The following SARS2 variants were observed in gnomAD, a reference collection of about 807,000 sequenced individuals.
SARS2 encodes seryl-tRNA synthetase 2, mitochondrial.
A neutral mutation model predicts 66.8 loss-of-function variants in SARS2; 52 were observed. The observed-to-expected ratio is 0.78, with a 90% confidence interval of 0.62 to 0.98. The LOEUF (loss-of-function observed/expected upper bound fraction) is 0.98. Among genes scored for constraint, SARS2 ranks in the 50% least tolerant of loss-of-function variants. The pLI, the probability that SARS2 is intolerant of heterozygous loss-of-function variation, is 0.00. For synonymous variants in SARS2, 306 were observed against 281.4 expected (o/e 1.09, Z -0.87); for missense variants, 673 against 706.3 (o/e 0.95, Z 0.53).
rs1429518434 is a variant in SARS2, at chr19:38,930,687, C to T, written c.50G>A (p.Gly17Glu). The T allele has an allele frequency of 3.1e-6, 5 of 1,613,898 alleles. No individual in the cohort carries two copies. In the Admixed American group the frequency reaches 5.0e-5, roughly 16 times the overall value. The change falls in exon 1 of 16, where the codon GGG becomes GAG. Residue 17 changes from glycine to glutamate, a missense_variant. Physicochemically the swap from Gly to Glu is moderately conservative, Grantham distance 98 (BLOSUM62 -2). Coordinates refer to ENST00000221431, the MANE Select transcript of SARS2 (RefSeq NM_017827.4). ...GATGCAGCCTCCCCGGGGCCGGAACCCCCGACGAGTCAGCAAAGGCCACAA... is the reference window on the plus strand; with the variant it reads ...GATGCAGCCTCCCCGGGGCCGGAACTCCCGACGAGTCAGCAAAGGCCACAA... Reference protein sequence around the residue: ...RRLWPLLTRRGFRPRGGCISN... With the variant: ...RRLWPLLTRREFRPRGGCISN...
At chr19:38,917,899 G>A (rs747172466) in intron 11 of SARS2, 22 bp downstream of exon 11, 43 of 1,613,032 alleles carry the variant, frequency 2.7e-5, no homozygotes, top group South Asian at 2.6e-4. Context: ...CCCCAGCCCC[G>A]TTTAGTCCCA....
Position 38,918,832 on chromosome 19 carries a change from G to A in SARS2, c.760-19C>T, listed in dbSNP as rs1568424377. On this transcript the variant is annotated intron_variant, in intron 7 of 15. Coordinates refer to ENST00000221431, the MANE Select transcript of SARS2 (RefSeq NM_017827.4). ...TGAAGCCCTGTTCAGGGGAGAGGAT[G>A]AGTGAGCAGAGCTGGGACCCCTACC... is the stretch of plus-strand genomic sequence containing the variant. 6.4e-7 allele frequency: 1 copy of A among 1,555,950 alleles called. No individual in the cohort carries two copies. Among genetic ancestry groups the A allele is most frequent in the Non-Finnish European group, 8.7e-7 (1 of 1,148,828 alleles).
chr19:38,915,492 T>C lies in SARS2; in HGVS notation c.*114A>G, dbSNP rs940722196. On this transcript the variant is annotated 3_prime_UTR_variant, in exon 16 of 16. Coordinates refer to ENST00000221431, the MANE Select transcript of SARS2 (RefSeq NM_017827.4). ...TGGTCCAGGGGCCCGGGCGTGGAGC[T>C]GACAGGAAGAACACAGATGTCAGGA... 7 of 1,320,412 alleles carry C rather than the reference T, an allele frequency of 5.3e-6. No individual in the cohort carries two copies. The African/African-American group carries it at 8.7e-5, about 16-fold the overall frequency. 81.8% of individuals were successfully genotyped at this position (1,320,412 alleles called of 1,614,324 possible). A position where few individuals can be genotyped will look rare whatever the true frequency, so the allele number is the denominator to read the frequency against.
At position 38,915,289 on chromosome 19, in the gene SARS2, A is replaced by C; in HGVS notation, c.*317T>G. 2.0e-6 allele frequency: 1 copy of C among 497,748 alleles called. No individual in the cohort carries two copies. Among genetic ancestry groups the C allele is most frequent in the Non-Finnish European group, 3.5e-6 (1 of 282,312 alleles). The allele number at this position is 497,748 out of a possible 1,614,324, so 30.8% of individuals were successfully genotyped here. ...CCTTTGTCCTGACCATTTATTGGGG[A>C]CTTTTTGCTCAGCACTGTAGGAGGA... On this transcript the variant is annotated 3_prime_UTR_variant, in exon 16 of 16. Transcript: ENST00000221431.
intron 6 of SARS2, 86 bp from the exon 7 acceptor site, chr19:38,919,953 C>CA (rs1394334598): frequency 2.1e-6 from 3 of 1,397,738 alleles, no homozygotes; most frequent in Non-Finnish European, 3.0e-6. Context: ...AGAGGCCCGG[C>CA]TGCTGGGTGG....
At position 38,921,654 on chromosome 19, in the gene SARS2, T is replaced by TGG. The variant is rs1974539622; in HGVS notation, c.405_406dup (p.Gln136ProfsTer34). Reference sequence around the variant, plus strand: ...CTCCCGGCCACGTGCCCGCAGACCCTGGTACTTGGGGTCCTGGGGGCAGCA... The same window carrying TGG: ...CTCCCGGCCACGTGCCCGCAGACCCTGGGGTACTTGGGGTCCTGGGGGCAGCA... On this transcript the variant is annotated frameshift_variant, in exon 4 of 16. Coordinates refer to ENST00000221431, the MANE Select transcript of SARS2 (RefSeq NM_017827.4). LOFTEE classifies it high-confidence loss of function. 6.2e-7 allele frequency: 1 copy of TGG among 1,614,150 alleles called. No individual in the cohort carries two copies. Among genetic ancestry groups the TGG allele is most frequent in the African/African-American group, 1.3e-5 (1 of 75,062 alleles).
Position 38,919,856 on chromosome 19 carries a change from T to C in SARS2, c.665A>G (p.His222Arg), listed in dbSNP as rs758611878. Residue 222 changes from histidine (H) to arginine (R), a missense_variant, in exon 7 of 16, where the codon CAC becomes CGC. Physicochemically the swap from His to Arg is conservative, Grantham distance 29. Coordinates refer to ENST00000221431, the MANE Select transcript of SARS2 (RefSeq NM_017827.4). Reference sequence around the variant, plus strand: ...GTAATAGGACCGGTGGCCAGACACGTGGGACAGGCGCCTGGGAGACAGACA... The same window carrying C: ...GTAATAGGACCGGTGGCCAGACACGCGGGACAGGCGCCTGGGAGACAGACA... ...LDIIRQKRLSHVSGHRSYYLR... is the reference protein window; with the variant it reads ...LDIIRQKRLSRVSGHRSYYLR... 1 of 1,613,830 alleles carries C rather than the reference T, an allele frequency of 6.2e-7. No individual in the cohort carries two copies. The highest frequency in any genetic ancestry group is 8.5e-7 in the Non-Finnish European group (1 of 1,179,900).
chr19:38,915,385 C>T lies in SARS2; in HGVS notation c.*221G>A. 1.7e-6 allele frequency: 1 copy of T among 596,274 alleles called. No individual in the cohort carries two copies. The highest frequency in any genetic ancestry group is 3.0e-6 in the Non-Finnish European group (1 of 334,832). The allele number at this position is 596,274 out of a possible 1,614,324, so 36.9% of individuals were successfully genotyped here. ...CCTAGAACCGTAAAGCCCAGACGTCCTGCTTCCCACTGGGACCCTCAATGA... is the reference window on the plus strand; with the variant it reads ...CCTAGAACCGTAAAGCCCAGACGTCTTGCTTCCCACTGGGACCCTCAATGA... On this transcript the variant is annotated 3_prime_UTR_variant, in exon 16 of 16. Coordinates refer to ENST00000221431, the MANE Select transcript of SARS2 (RefSeq NM_017827.4).
chr19:38,918,701 C>A (rs1210157501), intron 8 of SARS2, 65 bp downstream of exon 8: 5 of 1,538,402 alleles, frequency 3.3e-6, no homozygotes, highest in Non-Finnish European at 4.4e-6. Context: ...GGTTTCCCTG[C>A]CTCGGGCACC....
At chr19:38,924,382 G>A (rs1212726097) in intron 2 of SARS2, among the ~76,000 whole-genome samples, 1 of 152,200 alleles carries the variant, frequency 6.6e-6, no homozygotes, top group East Asian at 1.9e-4. Flanking sequence ...CATCTGTGAA[G>A]TGGGATGATA....
chr19:38,915,713 A>G lies in SARS2; in HGVS notation c.1450T>C (p.Tyr484His). ...GCTGTGATCCGATCAGTGCCGAGGT[A>G]GGACTGGAGGGCAGGGGGCACGAGC... ...SVLVPPALQS[Y>H]LGTDRITAPT... Residue 484 changes from tyrosine (Y) to histidine (H), a missense_variant, in exon 16 of 16, where the codon TAC (tyrosine) becomes CAC (histidine). By Grantham distance (83) the Tyr-to-His change is moderately conservative (BLOSUM62 2). Coordinates refer to ENST00000221431, the MANE Select transcript of SARS2 (RefSeq NM_017827.4). The G allele has an allele frequency of 6.2e-7, 1 of 1,613,154 alleles. No individual in the cohort carries two copies. Among genetic ancestry groups the G allele is most frequent in the Non-Finnish European group, 8.5e-7 (1 of 1,179,528 alleles).
chr19:38,926,393 G>T, intron 1 of SARS2, 93 bp from the exon 2 acceptor site: 1 of 1,158,654 alleles, frequency 8.6e-7, no homozygotes, highest in Non-Finnish European at 1.3e-6. Flanking sequence ...GCGGCGCAGT[G>T]AGGCAGAGAT....
intron 2 of SARS2, among the ~76,000 whole-genome samples, chr19:38,923,973 C>CAAA (rs57362195): frequency 5.3e-5 from 8 of 150,164 alleles, no homozygotes; most frequent in Non-Finnish European, 1.2e-4. Context: ...GACTCAGTCT[C>CAAA]AAAAAAAAAT....
intron 2 of SARS2, among the ~76,000 whole-genome samples, chr19:38,923,973 C>CA (rs57362195): frequency 0.73 from 110,191 of 150,210 alleles, 41,652 homozygotes; most frequent in East Asian, 0.97. Flanking sequence ...GACTCAGTCT[C>CA]AAAAAAAAAT....
Position 38,930,501 on chromosome 19 carries a change from C to T in SARS2, c.236G>A (p.Gly79Glu). The change falls in exon 1 of 16, where the codon GGG (glycine) becomes GAG (glutamate). Residue 79 changes from glycine to glutamate, a missense_variant. Gly to Glu is a moderately conservative substitution (Grantham distance 98). Transcript: ENST00000221431. ...EAAHALELRKGELRSADLPAI... is the reference protein window; with the variant it reads ...EAAHALELRKEELRSADLPAI... ...GGGCAGGTCCGCCGAGCGCAGCTCCCCCTTGCGGAGCTCCAGGGCGTGTGC... is the reference window on the plus strand; with the variant it reads ...GGGCAGGTCCGCCGAGCGCAGCTCCTCCTTGCGGAGCTCCAGGGCGTGTGC... The T allele has an allele frequency of 6.2e-7, 1 of 1,609,612 alleles. No homozygotes were observed. The highest frequency in any genetic ancestry group is 1.1e-5 in the South Asian group (1 of 91,052).
chr19:38,922,590 G>A (rs191137572), intron 2 of SARS2, among the ~76,000 whole-genome samples: 50 of 152,238 alleles, frequency 3.3e-4, no homozygotes, highest in African/African-American at 1.2e-3. Flanking sequence ...CCTGTGATAT[G>A]GTTTGGCTGT....
At chr19:38,928,909 A>G (rs1303084046) in intron 1 of SARS2, among the ~76,000 whole-genome samples, 1 of 152,218 alleles carries the variant, frequency 6.6e-6, no homozygotes, top group African/African-American at 2.4e-5. Flanking sequence ...GTATATATGT[A>G]TAGTTGTATA....
Position 38,915,866 on chromosome 19 carries a change from G to A in SARS2, c.1388C>T (p.Ala463Val), listed in dbSNP as rs200868602. The change falls in exon 15 of 16, where the codon GCG becomes GTG. Residue 463 changes from alanine to valine, a missense_variant. Physicochemically the swap from Ala to Val is moderately conservative, Grantham distance 64 (BLOSUM62 0). Coordinates refer to ENST00000221431, the MANE Select transcript of SARS2 (RefSeq NM_017827.4). ...TACAVPRLLI[A>V]LLESNQQKDG... ...CTTCTGCTGGTTACTCTCCAGGAGC[G>A]CGATGAGAAGGCGGGGGACAGCACA... 2.5e-6 allele frequency: 4 copies of A among 1,613,762 alleles called. No individual in the cohort carries two copies. The highest frequency in any genetic ancestry group is 1.1e-5 in the South Asian group (1 of 91,092).
Position 38,926,302 on chromosome 19 carries a change from TG to T in SARS2, c.268-3del, listed in dbSNP as rs1278331055. The stretch of plus-strand genomic sequence containing the variant: ...CCTCAGCTCCTGCCATGTCGAGATC[TG>T]GGGTGGATATAAGAGAAAAGGAGAT... On this transcript the variant is annotated splice_region_variant and splice_polypyrimidine_tract_variant and intron_variant, in intron 1 of 15. Transcript: ENST00000221431. 8.1e-6 allele frequency: 13 copies of T among 1,603,212 alleles called. No individual in the cohort carries two copies. Among genetic ancestry groups the T allele is most frequent in the Non-Finnish European group, 1.1e-5 (13 of 1,179,804 alleles).
Sources: gnomAD v4.1 joint callset for allele counts (sites outside exome capture counted in the v4.1 genomes callset) on GRCh38, gnomAD v4.1.1 for gene constraint, MANE v1.5 for transcripts, NCBI Gene and HGNC (gene_info 2026-07-23, HGNC 2026-07-21) for gene names.